NR1D1: variants seen among roughly 807,000 people sequenced by gnomAD.
NR1D1 encodes the protein nuclear receptor subfamily 1 group D member 1, also known as Rev-ErbAalpha.
A neutral mutation model predicts 51.1 loss-of-function variants in NR1D1; 17 were observed. The ratio of observed to expected loss-of-function variants is 0.33; its 90% CI spans 0.23 to 0.50. NR1D1 has a LOEUF of 0.50. NR1D1 is among the 20% of genes least tolerant of loss of function. The pLI, the probability that NR1D1 is intolerant of heterozygous loss-of-function variation, is 0.98. For synonymous variants in NR1D1, 341 were observed against 333.4 expected (o/e 1.02, Z -0.25); for missense variants, 647 against 830.4 (o/e 0.78, Z 2.71).
rs1987851178 is a variant in NR1D1, at chr17:40,100,205, C to G, written c.-111G>C. On this transcript the variant is annotated 5_prime_UTR_variant, in exon 1 of 8. Coordinates refer to ENST00000246672, the MANE Select transcript of NR1D1 (RefSeq NM_021724.5). ...GGCTAAGGGCGGGGAGTGGACCCCGCGACTCACGATCAGGATCCGAAGCAC... is the reference window on the plus strand; with the variant it reads ...GGCTAAGGGCGGGGAGTGGACCCCGGGACTCACGATCAGGATCCGAAGCAC... The G allele has an allele frequency of 2.4e-6, 2 of 838,180 alleles. No individual in the cohort carries two copies. Among genetic ancestry groups the G allele is most frequent in the African/African-American group, 3.3e-5 (2 of 60,386 alleles). 51.9% of individuals were successfully genotyped at this position (838,180 alleles called of 1,614,324 possible). A position where few individuals can be genotyped will look rare whatever the true frequency, so the allele number is the denominator to read the frequency against.
Position 40,093,536 on chromosome 17 carries a change from G to C in NR1D1, c.1646-254C>G. 8.4e-7 allele frequency: 1 copy of C among 1,187,718 alleles called. No individual in the cohort carries two copies. The highest frequency in any genetic ancestry group is 2.6e-5 in the East Asian group (1 of 38,944). The allele number at this position is 1,187,718 out of a possible 1,614,324, so 73.6% of individuals were successfully genotyped here. ...TAAGACCACCTTCCCTTCCTCAGCAGGCCAAACATGGCCAGACTCCCTTGC... is the reference window on the plus strand; with the variant it reads ...TAAGACCACCTTCCCTTCCTCAGCACGCCAAACATGGCCAGACTCCCTTGC... On this transcript the variant is annotated intron_variant, in intron 7 of 7. Transcript: ENST00000246672. The surrounding 1 kb of genome is among the most constrained non-coding windows in gnomAD (Gnocchi z 5.9).
At chr17:40,100,025 A>G in intron 1 of NR1D1, 39 bp downstream of exon 1, 1 of 1,483,894 alleles carries the variant, frequency 6.7e-7, no homozygotes, top group South Asian at 1.1e-5. Flanking sequence ...GTGGGGAGAC[A>G]GTGACAGGGA....
intron 2 of NR1D1, 127 bp downstream of exon 2, chr17:40,096,938 G>T (rs1484610354): frequency 8.5e-6 from 10 of 1,176,992 alleles, no homozygotes; most frequent in African/African-American, 3.0e-5. Context: ...AGAGGGGCTG[G>T]TGCCACTCTA....
chr17:40,095,598 T>C lies in NR1D1; in HGVS notation c.1094A>G (p.Tyr365Cys), dbSNP rs1311110719. 3.7e-6 allele frequency: 6 copies of C among 1,609,844 alleles called. No homozygotes were observed. The highest frequency in any genetic ancestry group is 4.2e-6 in the Non-Finnish European group (5 of 1,177,920). The part of the protein sequence containing the change: ...LNGLRQAPSS[Y>C]PPTWPPGPAH... ...AGGGCCAGGAGGCCAGGTGGGAGGG[T>C]AGGAGGAGGGAGCCTGGCGCAGACC... is the stretch of plus-strand genomic sequence containing the variant. Residue 365 changes from tyrosine (Y) to cysteine (C), a missense_variant, in exon 5 of 8, where the codon TAC becomes TGC. Tyr to Cys is a radical substitution (Grantham distance 194). Around this residue, in one of 7 missense-constraint regions of NR1D1, gnomAD observed 185 missense variants for 176.3 expected, o/e 1.05. Transcript: ENST00000246672.
intron 5 of NR1D1, 53 bp from the exon 6 acceptor site, chr17:40,095,173 G>A (rs913913204): frequency 5.2e-6 from 8 of 1,552,314 alleles, no homozygotes; most frequent in Non-Finnish European, 6.1e-6. Flanking sequence ...TGGGTCAGAT[G>A]GACGCCCCGA....
intron 3 of NR1D1, 25 bp from the exon 4 acceptor site, chr17:40,096,612 C>T: frequency 6.2e-7 from 1 of 1,613,664 alleles, no homozygotes; most frequent in Non-Finnish European, 8.5e-7. Flanking sequence ...TGGTTAGTGA[C>T]CACCTCCATC....
rs1286020332 is a variant in NR1D1, at chr17:40,100,215, T to TCAGGATCCGAAG, written c.-133_-122dup. The TCAGGATCCGAAG allele has an allele frequency of 3.8e-6, 3 of 794,890 alleles. No homozygotes were observed. The highest frequency in any genetic ancestry group is 3.3e-4 in the Middle Eastern group (1 of 3,012). The allele number at this position is 794,890 out of a possible 1,614,324, so 49.2% of individuals were successfully genotyped here. Reference sequence around the variant, plus strand: ...GGGGAGTGGACCCCGCGACTCACGATCAGGATCCGAAGCACCCTGCAGCAA... The same window carrying TCAGGATCCGAAG: ...GGGGAGTGGACCCCGCGACTCACGATCAGGATCCGAAGCAGGATCCGAAGCACCCTGCAGCAA... On this transcript the variant is annotated 5_prime_UTR_variant, in exon 1 of 8. Coordinates refer to ENST00000246672, the MANE Select transcript of NR1D1 (RefSeq NM_021724.5).
In NR1D1 at chr17:40,097,245, G is replaced by T; in HGVS notation, c.190C>A (p.Pro64Thr). ...PSPTGSLTQD[P>T]ARSFGSIPPS... The stretch of plus-strand genomic sequence containing the variant: ...GGAATGCTCCCAAAGGAGCGAGCCG[G>T]GTCTTGGGTGAGGGAGCCAGTGGGG... Residue 64 changes from proline to threonine, a missense_variant, in exon 2 of 8, where the codon CCG becomes ACG. By Grantham distance (38) the Pro-to-Thr change is conservative (BLOSUM62 -1). Coordinates refer to ENST00000246672, the MANE Select transcript of NR1D1 (RefSeq NM_021724.5). The T allele has an allele frequency of 6.2e-7, 1 of 1,612,434 alleles. No homozygotes were observed. The highest frequency in any genetic ancestry group is 8.5e-7 in the Non-Finnish European group (1 of 1,178,724).
chr17:40,098,513 T>C (rs1278875986), intron 1 of NR1D1, among the ~76,000 whole-genome samples: 1 of 152,100 alleles, frequency 6.6e-6, no homozygotes, highest in Non-Finnish European at 1.5e-5. Context: ...GTAAATGAAG[T>C]TGACCTAGTT....
chr17:40,096,684 G>C lies in NR1D1; in HGVS notation c.459+7C>G. 1.2e-6 allele frequency: 2 copies of C among 1,614,150 alleles called. No homozygotes were observed. Among genetic ancestry groups the C allele is most frequent in the Non-Finnish European group, 1.7e-6 (2 of 1,180,014 alleles). Reference sequence around the variant, plus strand: ...CTGCCCCTGCCCTTACCCCCAGTCCGCCTCACCTTGCAGCCCTCGCAGGCG... The same window carrying C: ...CTGCCCCTGCCCTTACCCCCAGTCCCCCTCACCTTGCAGCCCTCGCAGGCG... On this transcript the variant is annotated splice_region_variant and intron_variant, in intron 3 of 7. Transcript: ENST00000246672.
At chr17:40,095,283 G>C (rs1454807719) in intron 5 of NR1D1, among the ~76,000 whole-genome samples, 161 bp downstream of exon 5, 1 of 152,190 alleles carries the variant, frequency 6.6e-6, no homozygotes, top group African/African-American at 2.4e-5. Flanking sequence ...GGAGATTAGG[G>C]ATTCCCAGGC....
Position 40,095,607 on chromosome 17 carries a change from G to A in NR1D1, c.1085C>T (p.Pro362Leu), listed in dbSNP as rs776978247. ...AGGCCAGGTGGGAGGGTAGGAGGAG[G>A]GAGCCTGGCGCAGACCATTTAGGGC... ...NEALNGLRQA[P>L]SSYPPTWPPG... Residue 362 changes from proline to leucine, a missense_variant, in exon 5 of 8, where the codon CCC becomes CTC. Pro to Leu is a moderately conservative substitution (Grantham distance 98). Transcript: ENST00000246672. 5.0e-6 allele frequency: 8 copies of A among 1,611,662 alleles called. No individual in the cohort carries two copies. Among genetic ancestry groups the A allele is most frequent in the East Asian group, 2.2e-5 (1 of 44,834 alleles).
intron 5 of NR1D1, 81 bp downstream of exon 5, chr17:40,095,363 C>G: frequency 2.7e-6 from 4 of 1,480,236 alleles, no homozygotes; most frequent in Non-Finnish European, 2.7e-6. Context: ...CCTCCAGGAA[C>G]CCCCAGCTGC....
chr17:40,100,034 G>C lies in NR1D1; in HGVS notation c.31+30C>G, dbSNP rs201935022. ...ATGGAGGTGGGGAGACAGTGACAGG[G>C]AAAAGATGATAGTAAAGAAATCTCA... On this transcript the variant is annotated intron_variant, in intron 1 of 7. Coordinates refer to ENST00000246672, the MANE Select transcript of NR1D1 (RefSeq NM_021724.5). 7.2e-5 allele frequency: 111 copies of C among 1,542,292 alleles called. No homozygotes were observed. In the South Asian group the frequency reaches 1.2e-3, roughly 17 times the overall value.
chr17:40,094,839 A>G, intron 6 of NR1D1, 96 bp downstream of exon 6: 1 of 1,143,832 alleles, frequency 8.7e-7, no homozygotes, highest in Non-Finnish European at 1.3e-6. Context: ...TGGAGGTTGC[A>G]GTGAGTGGAG....
Position 40,093,711 on chromosome 17 carries a change from A to C in NR1D1, c.1645+201T>G. 1.6e-6 allele frequency: 1 copy of C among 639,992 alleles called. No homozygotes were observed. The highest frequency in any genetic ancestry group is 2.7e-6 in the Non-Finnish European group (1 of 372,888). 39.6% of individuals were successfully genotyped at this position (639,992 alleles called of 1,614,324 possible). A position where few individuals can be genotyped will look rare whatever the true frequency, so the allele number is the denominator to read the frequency against. On this transcript the variant is annotated intron_variant, in intron 7 of 7. Coordinates refer to ENST00000246672, the MANE Select transcript of NR1D1 (RefSeq NM_021724.5). This position sits in a 1 kb window ranked among gnomAD's most constrained non-coding sequence, Gnocchi z 5.9. ...ATAGTTGTCTGTGCTTCCTTGGTTC[A>C]TGCTTCTACTGTGACACTTATCTCA... is the stretch of plus-strand genomic sequence containing the variant.
chr17:40,094,312 G>A lies in NR1D1; in HGVS notation c.1435-190C>T, dbSNP rs16965597. 7.5e-3 allele frequency among the ~76,000 whole-genome samples: 1,150 copies of A among 152,322 alleles called. 25 individuals carry two copies. The highest frequency in any genetic ancestry group is 0.037 in the East Asian group (194 of 5,188). On this transcript the variant is annotated intron_variant, in intron 6 of 7. Coordinates refer to ENST00000246672, the MANE Select transcript of NR1D1 (RefSeq NM_021724.5). ...TGGGATCCAATAAGCCTGAATCTGA[G>A]TGTCAGCTTTGTCACTACCTGTGAC...
intron 1 of NR1D1, among the ~76,000 whole-genome samples, chr17:40,099,271 T>C (rs1987827978): frequency 6.6e-6 from 1 of 152,036 alleles, no homozygotes; most frequent in South Asian, 2.1e-4. Context: ...CACCAGGTCG[T>C]GGGCTGGACC....
Position 40,097,249 on chromosome 17 carries a change from T to G in NR1D1, c.186A>C (p.Gln62His). ...FPPSPTGSLTQDPARSFGSIP... is the reference protein window; with the variant it reads ...FPPSPTGSLTHDPARSFGSIP... ...TGCTCCCAAAGGAGCGAGCCGGGTCTTGGGTGAGGGAGCCAGTGGGGGATG... is the reference window on the plus strand; with the variant it reads ...TGCTCCCAAAGGAGCGAGCCGGGTCGTGGGTGAGGGAGCCAGTGGGGGATG... Residue 62 changes from glutamine (Q) to histidine (H), a missense_variant, in exon 2 of 8, where the codon CAA becomes CAC. This residue lies in a region of NR1D1 where 98 missense variants were observed against 94.7 expected (regional missense o/e 1.03). Coordinates refer to ENST00000246672, the MANE Select transcript of NR1D1 (RefSeq NM_021724.5). 1 of 1,612,310 alleles carries G rather than the reference T, an allele frequency of 6.2e-7. No homozygotes were observed. Among genetic ancestry groups the G allele is most frequent in the African/African-American group, 1.3e-5 (1 of 74,946 alleles).
Sources: gnomAD v4.1 joint callset for allele counts (sites outside exome capture counted in the v4.1 genomes callset) on GRCh38, gnomAD v4.1.1 for gene constraint, gnomAD v4.1.1 regional missense constraint, Gnocchi (gnomAD v3.1) non-coding constraint, MANE v1.5 for transcripts, NCBI Gene and HGNC (gene_info 2026-07-23, HGNC 2026-07-21) for gene names.